Variants in CORO2B observed in about 807,000 individuals in gnomAD.
CORO2B encodes coronin-2B.
Under a neutral mutation model 58.8 loss-of-function variants are expected in CORO2B, and 26 were observed. The ratio of observed to expected loss-of-function variants is 0.44; its 90% CI spans 0.32 to 0.61. The LOEUF is 0.61. CORO2B is among the 20% of genes least tolerant of loss of function. The pLI, the probability that CORO2B is intolerant of heterozygous loss-of-function variation, is 0.04. For synonymous variants in CORO2B, 242 were observed against 253.8 expected (o/e 0.95, Z 0.44); for missense variants, 460 against 645.1 (o/e 0.71, Z 3.11).
intron 11 of CORO2B, among the ~76,000 whole-genome samples, chr15:68,723,926 C>G (rs1893229588): frequency 6.6e-6 from 1 of 151,908 alleles, no homozygotes; most frequent in Non-Finnish European, 1.5e-5. Context: ...TAAAAGTAGG[C>G]CGGGGTGGTG....
chr15:68,637,370 TC>T (rs1397139680), intron 1 of CORO2B, among the ~76,000 whole-genome samples: 1 of 152,226 alleles, frequency 6.6e-6, no homozygotes, highest in East Asian at 1.9e-4. Flanking sequence ...CTCCTGTGTG[TC>T]CACCTTTCCC....
At chr15:68,669,921 A>G (rs1180013835) in intron 2 of CORO2B, among the ~76,000 whole-genome samples, 2 of 151,634 alleles carry the variant, frequency 1.3e-5, no homozygotes, top group Non-Finnish European at 2.9e-5. Context: ...GCCAGGCATG[A>G]TGGCGCATGC....
At chr15:68,550,827 G>A in the CORO2B span, among the ~76,000 whole-genome samples, 1,722 of 152,246 alleles carry the variant, frequency 0.011, 43 homozygotes, top group African/African-American at 0.039. Context: ...CCCAAAGGGG[G>A]ACCCCAAGAC....
chr15:68,624,674 G>GT lies in CORO2B; in HGVS notation c.16-20475dup, dbSNP rs1013577785. 7.4e-4 allele frequency among the ~76,000 whole-genome samples: 107 copies of GT among 144,572 alleles called. No individual in the cohort carries two copies. In the Middle Eastern group the frequency reaches 0.011, roughly 15 times the overall value. 94.8% of individuals were successfully genotyped at this position (144,572 alleles called of 152,430 possible). ...ATCTGGGGTGGGGCTGGGCATCTCTGTTTTTTTTTTTCTTTTCTTTTCTTT... is the reference window on the plus strand; with the variant it reads ...ATCTGGGGTGGGGCTGGGCATCTCTGTTTTTTTTTTTTCTTTTCTTTTCTTT... On this transcript the variant is annotated intron_variant, in intron 1 of 11. Coordinates refer to ENST00000261861, the MANE Select transcript of CORO2B (RefSeq NM_006091.5).
chr15:68,575,951 G>A (rs1236013921), upstream of CORO2B, among the ~76,000 whole-genome samples: 3 of 151,360 alleles, frequency 2.0e-5, no homozygotes, highest in African/African-American at 7.3e-5. Flanking sequence ...TCAGGAGTTC[G>A]AGACCAGCCT....
chr15:68,621,647 G>A (rs1566987572), intron 1 of CORO2B, among the ~76,000 whole-genome samples: 1 of 152,082 alleles, frequency 6.6e-6, no homozygotes, highest in Non-Finnish European at 1.5e-5. Flanking sequence ...TGGTTTGGTT[G>A]TTGGTTTGTG....
intron 1 of CORO2B, among the ~76,000 whole-genome samples, chr15:68,600,654 C>T (rs1440316389): frequency 6.6e-6 from 1 of 152,236 alleles, no homozygotes; most frequent in African/African-American, 2.4e-5. Flanking sequence ...GGGTGCCGAC[C>T]AGTGGGCAGA....
chr15:68,588,937 G>T (rs913446822), intron 1 of CORO2B, among the ~76,000 whole-genome samples: 1 of 152,148 alleles, frequency 6.6e-6, no homozygotes, highest in African/African-American at 2.4e-5. Context: ...TTGGGATTCC[G>T]AGAAATTTGG....
chr15:68,684,387 G>C (rs182620277), intron 2 of CORO2B, among the ~76,000 whole-genome samples: 17 of 152,358 alleles, frequency 1.1e-4, no homozygotes, highest in Admixed American at 3.9e-4. Context: ...TGAAATAGGG[G>C]ACATGAGACA....
chr15:68,642,273 G>A (rs897097899), intron 1 of CORO2B, among the ~76,000 whole-genome samples: 9 of 152,136 alleles, frequency 5.9e-5, no homozygotes, highest in Admixed American at 2.6e-4. Context: ...ACACAGCAGG[G>A]TTGGGATTTG....
At position 68,637,945 on chromosome 15, in the gene CORO2B, C is replaced by T. The variant is rs549259325; in HGVS notation, c.16-7215C>T. Reference sequence around the variant, plus strand: ...GGCCACAATAAATCATTTTTGAGATCCGAGGACAGGATACAATTTGCTTCC... The same window carrying T: ...GGCCACAATAAATCATTTTTGAGATTCGAGGACAGGATACAATTTGCTTCC... On this transcript the variant is annotated intron_variant, in intron 1 of 11. Transcript: ENST00000261861. Among the ~76,000 whole-genome samples the T allele has an allele frequency of 2.6e-5, 4 of 152,300 alleles. No individual in the cohort carries two copies. The East Asian group carries it at 5.8e-4, about 22-fold the overall frequency.
intron 1 of CORO2B, among the ~76,000 whole-genome samples, chr15:68,597,627 C>CAA (rs139544672): frequency 3.7e-4 from 52 of 142,456 alleles, no homozygotes; most frequent in African/African-American, 7.3e-4. Flanking sequence ...TCCCCCCCAT[C>CAA]AAAAAAAAAA....
At chr15:68,684,761 C>CTGTGCAAGTGTTGAGGGT (rs1902907022) in intron 2 of CORO2B, among the ~76,000 whole-genome samples, 1 of 152,212 alleles carries the variant, frequency 6.6e-6, no homozygotes, top group South Asian at 2.1e-4. Flanking sequence ...AAGATAATGT[C>CTGTGCAAGTGTTGAGGGT]TGTGCAAGTG....
chr15:68,714,768 C>T (rs1892993648), intron 7 of CORO2B, 105 bp downstream of exon 7: 1 of 854,270 alleles, frequency 1.2e-6, no homozygotes, highest in South Asian at 1.5e-5. Context: ...GCCTAACCTT[C>T]CAAGTTCCTG....
the CORO2B span, among the ~76,000 whole-genome samples, chr15:68,565,323 A>AT: frequency 6.6e-6 from 1 of 151,172 alleles, no homozygotes; most frequent in East Asian, 1.9e-4. Context: ...ATTTAAAAAA[A>AT]TTTTTATTGG....
At chr15:68,693,079 A>G (rs1018039924) in intron 2 of CORO2B, among the ~76,000 whole-genome samples, 1 of 152,174 alleles carries the variant, frequency 6.6e-6, no homozygotes, top group Non-Finnish European at 1.5e-5. Flanking sequence ...TAATTTTCCC[A>G]CAACATACAA....
At chr15:68,580,366 G>C (rs1378390225) in intron 1 of CORO2B, among the ~76,000 whole-genome samples, 1 of 150,508 alleles carries the variant, frequency 6.6e-6, no homozygotes, top group South Asian at 2.1e-4. Flanking sequence ...GCAGCCCAGA[G>C]TGGGGTCAGA....
upstream of CORO2B, among the ~76,000 whole-genome samples, chr15:68,575,383 G>A (rs1442180247): frequency 6.6e-6 from 1 of 150,556 alleles, no homozygotes; most frequent in Non-Finnish European, 1.5e-5. Context: ...TGTCACTCAG[G>A]CTGGAGTGCA....
At chr15:68,607,376 G>T (rs1253962578) in intron 1 of CORO2B, among the ~76,000 whole-genome samples, 1 of 152,160 alleles carries the variant, frequency 6.6e-6, no homozygotes, top group Non-Finnish European at 1.5e-5. Context: ...TTTACATGAT[G>T]ACTTGGGGCT....
Sources: gnomAD v4.1 joint callset for allele counts (sites outside exome capture counted in the v4.1 genomes callset) on GRCh38, gnomAD v4.1.1 for gene constraint, MANE v1.5 for transcripts, NCBI Gene and HGNC (gene_info 2026-07-23, HGNC 2026-07-21) for gene names.